PCGF5: variants seen among roughly 807,000 people sequenced by gnomAD.
PCGF5 encodes the protein polycomb group RING finger protein 5.
A neutral mutation model predicts 44.3 loss-of-function variants in PCGF5; 9 were observed. The ratio of observed to expected loss-of-function variants is 0.20; its 90% CI spans 0.12 to 0.35. The LOEUF (loss-of-function observed/expected upper bound fraction) is 0.35, where lower values mean the gene tolerates loss of function less well. Ranked by LOEUF, PCGF5 falls within the 10% of genes least tolerant of loss-of-function variation. The probability of loss-of-function intolerance (pLI) is 1.00; values close to 1 mark genes in which losing one functional copy is unlikely to be tolerated. For synonymous variants in PCGF5, 95 were observed against 102.5 expected, an observed-to-expected ratio of 0.93 and a Z score of 0.44; for missense variants, 146 against 305.3, an observed-to-expected ratio of 0.48 and a Z score of 3.89.
At chr10:91,173,865 A>G (rs1487741881) in intron 1 of PCGF5, among the ~76,000 whole-genome samples, 1 of 151,924 alleles carries the variant, frequency 6.6e-6, no homozygotes, top group Admixed American at 6.5e-5. Context: ...TGATACTCAT[A>G]TGTCAGAAAA....
intron 6 of PCGF5, among the ~76,000 whole-genome samples, chr10:91,261,012 C>T (rs1845895959): frequency 6.7e-6 from 1 of 150,026 alleles, no homozygotes. Flanking sequence ...TATTTTTATG[C>T]TTTTTGTGAC....
intron 2 of PCGF5, among the ~76,000 whole-genome samples, chr10:91,230,201 T>C (rs1478340316): frequency 6.6e-6 from 1 of 152,204 alleles, no homozygotes; most frequent in Non-Finnish European, 1.5e-5. Context: ...TATTGACTTA[T>C]GAGAATATAT....
intron 2 of PCGF5, among the ~76,000 whole-genome samples, chr10:91,223,933 C>T (rs1269888379): frequency 6.6e-6 from 1 of 151,936 alleles, no homozygotes; most frequent in East Asian, 1.9e-4. Flanking sequence ...TTTAATATAC[C>T]ATGGTACTTT....
At chr10:91,267,204 C>T (rs755783377) in intron 8 of PCGF5, among the ~76,000 whole-genome samples, 3 of 152,128 alleles carry the variant, frequency 2.0e-5, no homozygotes, top group Non-Finnish European at 4.4e-5. Context: ...CCACCTACCT[C>T]GTTTCCTTTA....
chr10:91,238,575 ACT>A (rs923445413), intron 2 of PCGF5, among the ~76,000 whole-genome samples: 49 of 81,952 alleles, frequency 6.0e-4, no homozygotes, highest in Non-Finnish European at 9.9e-4. Flanking sequence ...AAATCCCTCC[ACT>A]CTCATTTCTT....
At chr10:91,204,743 T>C (rs1844311118) in intron 1 of PCGF5, among the ~76,000 whole-genome samples, 1 of 152,220 alleles carries the variant, frequency 6.6e-6, no homozygotes, top group Admixed American at 6.5e-5. Context: ...TTCTCTCTCT[T>C]CTTCAGATTT....
In PCGF5 at chr10:91,185,090, T is replaced by G. The variant is rs189345268; in HGVS notation, c.-184+22009T>G. ...CTCTGCCCCCAGTTGGCTTGGGCTC[T>G]CCAAGCATGAAGCTGGAACAGCTAA... On this transcript the variant is annotated intron_variant, in intron 1 of 9. Transcript: ENST00000614189. Among the ~76,000 whole-genome samples the G allele has an allele frequency of 6.9e-3, 1,053 of 152,304 alleles. 11 individuals are homozygous for G. The highest frequency in any genetic ancestry group is 0.024 in the African/African-American group (1,011 of 41,566).
At chr10:91,163,553 G>A (rs961872414) in intron 1 of PCGF5, among the ~76,000 whole-genome samples, 7 of 152,092 alleles carry the variant, frequency 4.6e-5, no homozygotes, top group African/African-American at 1.7e-4. Flanking sequence ...GTCGGCGCTC[G>A]GGCCCTTCCC....
intron 9 of PCGF5, among the ~76,000 whole-genome samples, chr10:91,277,232 A>G (rs1310044289): frequency 6.6e-6 from 1 of 152,210 alleles, no homozygotes; most frequent in Non-Finnish European, 1.5e-5. Context: ...AAGCACTGAA[A>G]TGGTCATTTT....
At chr10:91,221,418 G>C (rs1269668673) in intron 1 of PCGF5, among the ~76,000 whole-genome samples, 6 of 152,124 alleles carry the variant, frequency 3.9e-5, no homozygotes, top group Non-Finnish European at 8.8e-5. Context: ...GATATGAAAC[G>C]GTTTGCTGAA....
chr10:91,281,024 T>C lies in PCGF5; in HGVS notation c.*2708T>C, dbSNP rs1420843789. The C allele has an allele frequency of 6.6e-6, 1 of 152,476 alleles. No individual in the cohort carries two copies. The allele number at this position is 152,476 out of a possible 1,614,324, so 9.4% of individuals were successfully genotyped here. A position where few individuals can be genotyped will look rare whatever the true frequency, so the allele number is the denominator to read the frequency against. ...TTTTATCTGCCTTAGAAATTATAAG[T>C]ATAAAAGGGTCAAGGGAACTTAGAT... is the stretch of plus-strand genomic sequence containing the variant. On this transcript the variant is annotated 3_prime_UTR_variant, in exon 10 of 10. Transcript: ENST00000336126.
chr10:91,157,347 G>A, the PCGF5 span, among the ~76,000 whole-genome samples: 3 of 152,112 alleles, frequency 2.0e-5, no homozygotes, highest in Admixed American at 2.0e-4. Flanking sequence ...GAACCAGAAA[G>A]GCTTGACAAT....
At chr10:91,196,073 G>T (rs1477363072) in intron 1 of PCGF5, among the ~76,000 whole-genome samples, 1 of 151,550 alleles carries the variant, frequency 6.6e-6, no homozygotes, top group South Asian at 2.1e-4. Context: ...GCCCCATGGG[G>T]TGTTAAGTCT....
At position 91,179,413 on chromosome 10, in the gene PCGF5, G is replaced by A. The variant is rs185079581; in HGVS notation, c.-184+16332G>A. The stretch of plus-strand genomic sequence containing the variant: ...TTTGTTACATCAGTAAACTTGTGTC[G>A]TGGGGTTTGTTGTACAGATTATTTC... On this transcript the variant is annotated intron_variant, in intron 1 of 9. Transcript: ENST00000614189. Among the ~76,000 whole-genome samples, 67 of 152,174 alleles carry A rather than the reference G, an allele frequency of 4.4e-4. 1 individual carries two copies. Among genetic ancestry groups the A allele is most frequent in the Middle Eastern group, 3.4e-3 (1 of 294 alleles).
At chr10:91,251,961 T>C (rs1195178443) in intron 6 of PCGF5, among the ~76,000 whole-genome samples, 3 of 152,038 alleles carry the variant, frequency 2.0e-5, no homozygotes, top group Non-Finnish European at 2.9e-5. Context: ...CCTCAGTTAT[T>C]TCCTATAGAA....
At chr10:91,262,982 A>G (rs892478978) in intron 7 of PCGF5, among the ~76,000 whole-genome samples, 2 of 152,238 alleles carry the variant, frequency 1.3e-5, no homozygotes, top group Non-Finnish European at 2.9e-5. Context: ...ACTCTTACAT[A>G]GTCTTACTTC....
At chr10:91,246,377 T>G (rs931981262) in intron 3 of PCGF5, among the ~76,000 whole-genome samples, 2 of 152,056 alleles carry the variant, frequency 1.3e-5, no homozygotes. Flanking sequence ...AAAAATGAAT[T>G]GGAAAAGACA....
intron 8 of PCGF5, among the ~76,000 whole-genome samples, chr10:91,265,474 C>T (rs1395087876): frequency 6.6e-6 from 1 of 151,928 alleles, no homozygotes; most frequent in Non-Finnish European, 1.5e-5. Context: ...ATGCCATACT[C>T]TGTGTAATTT....
chr10:91,259,599 A>G (rs543779767), intron 6 of PCGF5, among the ~76,000 whole-genome samples: 38 of 152,324 alleles, frequency 2.5e-4, no homozygotes, highest in Non-Finnish European at 5.1e-4. Flanking sequence ...CCAAAACAGC[A>G]TGGTACTGGT....
Sources: allele counts gnomAD v4.1 joint callset (sites outside exome capture counted in the v4.1 genomes callset), GRCh38; gene constraint gnomAD v4.1.1; transcripts MANE v1.5; gene names NCBI Gene and HGNC (gene_info 2026-07-23, HGNC 2026-07-21).